The following ENGASE variants were observed in gnomAD, a reference collection of about 807,000 sequenced individuals.
ENGASE encodes endo-beta-N-acetylglucosaminidase.
In ENGASE, 69 loss-of-function variants were observed where a neutral mutation model predicts 78.5. The observed-to-expected ratio is 0.88, with a 90% CI of 0.72 to 1.07. ENGASE has a LOEUF of 1.07. Ranked by LOEUF, ENGASE falls within the 50% of genes least tolerant of loss-of-function variation. The pLI, the probability that ENGASE is intolerant of heterozygous loss-of-function variation, is 0.00. For synonymous variants in ENGASE, 408 were observed against 408.9 expected (o/e 1.00, Z 0.03); for missense variants, 943 against 988.4 (o/e 0.95, Z 0.62).
In ENGASE at chr17:79,083,228, G is replaced by C. The variant is rs540152956; in HGVS notation, c.1142+105G>C. 159 of 923,054 alleles carry C rather than the reference G, an allele frequency of 1.7e-4. 1 individual carries two copies. The African/African-American group carries it at 2.3e-3, about 13-fold the overall frequency. The allele number at this position is 923,054 out of a possible 1,614,324, so 57.2% of individuals were successfully genotyped here. On this transcript the variant is annotated intron_variant, in intron 8 of 13. Transcript: ENST00000579016. This position sits in a 1 kb window ranked among gnomAD's most constrained non-coding sequence, Gnocchi z 4.9. Reference sequence around the variant, plus strand: ...TGCTCTTTAGTGACCCTTCCTATGGGGGGGTGGTTAAGGGAGGATGACAGG... The same window carrying C: ...TGCTCTTTAGTGACCCTTCCTATGGCGGGGTGGTTAAGGGAGGATGACAGG...
At chr17:79,085,426 C>T in intron 12 of ENGASE, 84 bp downstream of exon 12, 6 of 1,354,708 alleles carry the variant, frequency 4.4e-6, no homozygotes, top group Non-Finnish European at 6.0e-6. Flanking sequence ...TGGAGGGGCC[C>T]TGGGCTGGCC....
At chr17:79,082,788 C>A in intron 7 of ENGASE, 1 of 1,483,390 alleles carries the variant, frequency 6.7e-7, no homozygotes, top group Non-Finnish European at 9.0e-7. Context: ...GCCCCTGCCC[C>A]CCTGCCCTTG....
rs770908310 is a variant in ENGASE, at chr17:79,083,518, T to C, written c.1179T>C (p.His393=). Residue 393 remains histidine, a synonymous_variant, in exon 9 of 14, where the codon CAT becomes CAC. Coordinates refer to ENST00000579016, the MANE Select transcript of ENGASE (RefSeq NM_001042573.3). The surrounding 1 kb of genome is among the most constrained non-coding windows in gnomAD (Gnocchi z 4.9). ...WGRLERYLPT[H]SICSLPFVTS... ...GACTGGAGCGTTATCTGCCCACACA[T>C]AGCATCTGCTCCTTGCCTTTCGTCA... 4.3e-6 allele frequency: 7 copies of C among 1,614,168 alleles called. No individual in the cohort carries two copies. In the East Asian group the frequency reaches 1.6e-4, roughly 36 times the overall value.
At chr17:79,079,375 C>T in intron 3 of ENGASE, 114 bp from the exon 4 acceptor site, 1 of 1,234,190 alleles carries the variant, frequency 8.1e-7, no homozygotes, top group Non-Finnish European at 1.1e-6. Flanking sequence ...GCCATGTTGC[C>T]CAGGCTGGTC....
Position 79,084,000 on chromosome 17 carries a change from C to G in ENGASE, c.1442+49C>G, listed in dbSNP as rs1014686081. 28 of 1,521,054 alleles carry G rather than the reference C, an allele frequency of 1.8e-5. No individual in the cohort carries two copies. The highest frequency in any genetic ancestry group is 2.3e-5 in the East Asian group (1 of 43,766). 94.2% of individuals were successfully genotyped at this position (1,521,054 alleles called of 1,614,324 possible). Reference sequence around the variant, plus strand: ...GGGCCCACCAGCTTCTCCCATCACACGTGGTGGCCATGGAACTGGACAGAT... The same window carrying G: ...GGGCCCACCAGCTTCTCCCATCACAGGTGGTGGCCATGGAACTGGACAGAT... On this transcript the variant is annotated intron_variant, in intron 10 of 13. Coordinates refer to ENST00000579016, the MANE Select transcript of ENGASE (RefSeq NM_001042573.3). This position sits in a 1 kb window ranked among gnomAD's most constrained non-coding sequence, Gnocchi z 4.9.
Position 79,078,054 on chromosome 17 carries a change from A to G in ENGASE, c.416+190A>G, listed in dbSNP as rs72853341. Reference sequence around the variant, plus strand: ...AGTGTTTCATCTGTAAAAAGGGAAGACTGGGCTGGGCTTGGTGGCTCACAC... The same window carrying G: ...AGTGTTTCATCTGTAAAAAGGGAAGGCTGGGCTGGGCTTGGTGGCTCACAC... On this transcript the variant is annotated intron_variant, in intron 3 of 13. Transcript: ENST00000579016. Among the ~76,000 whole-genome samples the G allele has an allele frequency of 7.3e-3, 1,107 of 152,262 alleles. 13 individuals carry two copies. Among genetic ancestry groups the G allele is most frequent in the Non-Finnish European group, 8.6e-3 (585 of 68,010 alleles).
At chr17:79,079,439 A>G in intron 3 of ENGASE, 50 bp from the exon 4 acceptor site, 1 of 1,587,164 alleles carries the variant, frequency 6.3e-7, no homozygotes, top group Non-Finnish European at 8.6e-7. Flanking sequence ...AAGTGCTGGG[A>G]ATAAAGGCAT....
chr17:79,084,229 T>G, intron 10 of ENGASE: 1 of 533,548 alleles, frequency 1.9e-6, no homozygotes, highest in Non-Finnish European at 3.3e-6. Context: ...CCATTGCACA[T>G]TAGCCCCCCA....
rs1568095967 is a variant in ENGASE at position 79,086,251 on chromosome 17, C to CG, written c.2135dup (p.Met713HisfsTer36). The CG allele has an allele frequency of 6.2e-7, 1 of 1,613,564 alleles. No individual in the cohort carries two copies. The highest frequency in any genetic ancestry group is 1.3e-5 in the African/African-American group (1 of 75,058). ...AGCCGCCGGGCCCGGCCAGGATCGT[C>CG]GCATGGAATTTCTGGTGGAGCCTGT... On this transcript the variant is annotated frameshift_variant, in exon 14 of 14. Transcript: ENST00000579016. LOFTEE classifies it high-confidence loss of function.
Position 79,086,873 on chromosome 17 carries a change from A to C in ENGASE, c.*524A>C. 1 of 449,440 alleles carries C rather than the reference A, an allele frequency of 2.2e-6. No homozygotes were observed. The highest frequency in any genetic ancestry group is 2.0e-5 in the African/African-American group (1 of 49,936). The allele number at this position is 449,440 out of a possible 1,614,324, so 27.8% of individuals were successfully genotyped here. On this transcript the variant is annotated 3_prime_UTR_variant, in exon 14 of 14. Transcript: ENST00000579016. ...GGGATGGCGGGAGAGGATGCCCTGG[A>C]GAACCGTCCTCCCAGTGTGGAAGGC... is the stretch of plus-strand genomic sequence containing the variant.
Position 79,074,982 on chromosome 17 carries a change from C to A in ENGASE, c.38C>A (p.Thr13Lys). 1 of 1,237,608 alleles carries A rather than the reference C, an allele frequency of 8.1e-7. No homozygotes were observed. Among genetic ancestry groups the A allele is most frequent in the Non-Finnish European group, 1.0e-6 (1 of 990,386 alleles). The allele number at this position is 1,237,608 out of a possible 1,614,324, so 76.7% of individuals were successfully genotyped here. A position where few individuals can be genotyped will look rare whatever the true frequency, so the allele number is the denominator to read the frequency against. ...AAAVTVTRSATRRRRRQLQGL... is the reference protein window; with the variant it reads ...AAAVTVTRSAKRRRRRQLQGL... The stretch of plus-strand genomic sequence containing the variant: ...GCGGTGACGGTCACCCGGTCGGCTA[C>A]ACGGCGGCGGCGGCGGCAGCTGCAG... Residue 13 changes from threonine (T) to lysine (K), a missense_variant, in exon 1 of 14, where the codon ACA (threonine) becomes AAA (lysine). Thr to Lys is a moderately conservative substitution (Grantham distance 78, BLOSUM62 -1). Coordinates refer to ENST00000579016, the MANE Select transcript of ENGASE (RefSeq NM_001042573.3).
rs1412978513 is a variant in ENGASE, at chr17:79,085,647, C to T, written c.1728C>T (p.Cys576=). The T allele has an allele frequency of 1.2e-6, 2 of 1,613,948 alleles. No homozygotes were observed. Among genetic ancestry groups the T allele is most frequent in the Admixed American group, 1.7e-5 (1 of 60,030 alleles). Residue 576 remains cysteine (C), a synonymous_variant, in exon 13 of 14, where the codon TGC becomes TGT. Transcript: ENST00000579016. ...QHCYEVSLRG[C]LLLDLLVCFS... ...GCTACGAGGTGAGCCTGCGTGGGTG[C>T]CTGCTGCTAGACCTCCTCGTTTGCT...
rs1207733695 is a variant in ENGASE, at chr17:79,083,282, G to A, written c.1142+159G>A. The A allele has an allele frequency of 2.2e-5, 16 of 722,016 alleles. No homozygotes were observed. Among genetic ancestry groups the A allele is most frequent in the East Asian group, 1.9e-4 (7 of 37,048 alleles). The allele number at this position is 722,016 out of a possible 1,614,324, so 44.7% of individuals were successfully genotyped here. A position where few individuals can be genotyped will look rare whatever the true frequency, so the allele number is the denominator to read the frequency against. ...GGAAGCCAGCACCCTGGCTGCTTCC[G>A]GGCAGGGACCAAACCCAGCGGCCGC... On this transcript the variant is annotated intron_variant, in intron 8 of 13. Coordinates refer to ENST00000579016, the MANE Select transcript of ENGASE (RefSeq NM_001042573.3). This position sits in a 1 kb window ranked among gnomAD's most constrained non-coding sequence, Gnocchi z 4.9.
In ENGASE at chr17:79,083,426, C is replaced by A. The variant is rs1297042066; in HGVS notation, c.1143-56C>A. The A allele has an allele frequency of 2.1e-6, 3 of 1,396,966 alleles. No individual in the cohort carries two copies. Among genetic ancestry groups the A allele is most frequent in the African/African-American group, 1.4e-5 (1 of 69,772 alleles). 86.5% of individuals were successfully genotyped at this position (1,396,966 alleles called of 1,614,324 possible). A position where few individuals can be genotyped will look rare whatever the true frequency, so the allele number is the denominator to read the frequency against. ...TTTCCACCAGCAAGTTTGAGGGACACTGAGAGGCTCCCTCCCTTCCTCCGG... is the reference window on the plus strand; with the variant it reads ...TTTCCACCAGCAAGTTTGAGGGACAATGAGAGGCTCCCTCCCTTCCTCCGG... On this transcript the variant is annotated intron_variant, in intron 8 of 13. Coordinates refer to ENST00000579016, the MANE Select transcript of ENGASE (RefSeq NM_001042573.3). This position sits in a 1 kb window ranked among gnomAD's most constrained non-coding sequence, Gnocchi z 4.9.
In ENGASE at chr17:79,086,282, AG is replaced by A. The variant is rs756162085; in HGVS notation, c.2167del (p.Glu723LysfsTer35). On this transcript the variant is annotated frameshift_variant, in exon 14 of 14. Coordinates refer to ENST00000579016, the MANE Select transcript of ENGASE (RefSeq NM_001042573.3). LOFTEE classifies it high-confidence loss of function. ...GAATTTCTGGTGGAGCCTGTCCCCAAGGAAGGGTTCCGGGTACCTCAGGCCG... is the reference window on the plus strand; with the variant it reads ...GAATTTCTGGTGGAGCCTGTCCCCAAGAAGGGTTCCGGGTACCTCAGGCCG... The part of the protein sequence containing the change: ...RMEFLVEPVP[K>X]EGFRVPQAEW... The A allele has an allele frequency of 3.1e-6, 5 of 1,613,544 alleles. No homozygotes were observed. The African/African-American group carries it at 5.3e-5, about 17-fold the overall frequency.
intron 7 of ENGASE, chr17:79,082,774 C>T: frequency 6.8e-7 from 1 of 1,469,120 alleles, no homozygotes. Context: ...CCAGTTGGGG[C>T]CCAGCCCCTG....
rs939933017 is a variant in ENGASE at position 79,075,570 on chromosome 17, C to T, written c.146+480C>T. 137 of 428,572 alleles carry T rather than the reference C, an allele frequency of 3.2e-4. 1 individual carries two copies. The highest frequency in any genetic ancestry group is 1.2e-4 in the Non-Finnish European group (37 of 321,110). 26.5% of individuals were successfully genotyped at this position (428,572 alleles called of 1,614,324 possible). The stretch of plus-strand genomic sequence containing the variant: ...AATAGGGAGTAGGGTATCCAACTGG[C>T]GGGGAACAGAAAGGGCCAAAGCACA... On this transcript the variant is annotated intron_variant, in intron 1 of 13. Coordinates refer to ENST00000579016, the MANE Select transcript of ENGASE (RefSeq NM_001042573.3).
rs1258429175 is a variant in ENGASE at position 79,085,727 on chromosome 17, A to C, written c.1808A>C (p.Glu603Ala). The C allele has an allele frequency of 2.5e-6, 4 of 1,613,354 alleles. No homozygotes were observed. In the South Asian group the frequency reaches 4.4e-5, roughly 18 times the overall value. Residue 603 changes from glutamate (E) to alanine (A), a missense_variant, in exon 13 of 14, where the codon GAG becomes GCG. Physicochemically the swap from Glu to Ala is moderately radical, Grantham distance 107. Transcript: ENST00000579016. The part of the protein sequence containing the change: ...EEESFTCRLG[E>A]IQVVDAASLL... ...GAGAGCTTCACCTGTCGGCTTGGAGAGATCCAGGTGATGCTTCCCAGAGGG... is the reference window on the plus strand; with the variant it reads ...GAGAGCTTCACCTGTCGGCTTGGAGCGATCCAGGTGATGCTTCCCAGAGGG...
chr17:79,085,840 G>C, intron 13 of ENGASE, 93 bp from the exon 14 acceptor site: 1 of 1,590,594 alleles, frequency 6.3e-7, no homozygotes, highest in Non-Finnish European at 8.5e-7. Context: ...CGGGGAACTG[G>C]GGTGGAGGAG....
Sources: gnomAD v4.1 joint callset for allele counts (sites outside exome capture counted in the v4.1 genomes callset) on GRCh38, gnomAD v4.1.1 for gene constraint, Gnocchi (gnomAD v3.1) non-coding constraint, MANE v1.5 for transcripts, NCBI Gene and HGNC (gene_info 2026-07-23, HGNC 2026-07-21) for gene names.